The following CPA4 variants were observed in gnomAD, a reference collection of about 807,000 sequenced individuals.
The protein encoded by CPA4 is carboxypeptidase A3.
A neutral mutation model predicts 54.7 loss-of-function variants in CPA4; 49 were observed. That is an observed-to-expected ratio of 0.90 (90% CI 0.71 to 1.14). The LOEUF (loss-of-function observed/expected upper bound fraction) is 1.14. CPA4 is among the 50% of genes most tolerant of loss of function. The probability of loss-of-function intolerance (pLI) is 0.00; values close to 1 mark genes in which losing one functional copy is unlikely to be tolerated. For synonymous variants in CPA4, 215 were observed against 206.8 expected, an observed-to-expected ratio of 1.04 and a Z score of -0.34; for missense variants, 487 against 525.1, an observed-to-expected ratio of 0.93 and a Z score of 0.71.
chr7:130,303,284 A>G (rs1478386505), intron 4 of CPA4, among the ~76,000 whole-genome samples: 1 of 152,170 alleles, frequency 6.6e-6, no homozygotes, highest in African/African-American at 2.4e-5. Context: ...AAATAAGGGT[A>G]TTTTTAGCCG....
At chr7:130,320,520 C>T (rs1195209636) in intron 10 of CPA4, among the ~76,000 whole-genome samples, 1 of 152,174 alleles carries the variant, frequency 6.6e-6, no homozygotes, top group African/African-American at 2.4e-5. Context: ...CGGAGTCTCA[C>T]TGGAAGCATC....
At chr7:130,294,076 A>G (rs1173992201) in intron 1 of CPA4, among the ~76,000 whole-genome samples, 2 of 152,096 alleles carry the variant, frequency 1.3e-5, no homozygotes, top group South Asian at 2.1e-4. Context: ...TTTCATGTAC[A>G]TTATCTTTTT....
Position 130,298,668 on chromosome 7 carries a change from G to T in CPA4, c.69-78G>T. ...TTTTGGCCTGGTTACGTCTGGGATA[G>T]GAGGCTTGGGGGTTTCTTTGCCAGC... On this transcript the variant is annotated intron_variant, in intron 1 of 10. Coordinates refer to ENST00000222482, the MANE Select transcript of CPA4 (RefSeq NM_016352.4). The T allele has an allele frequency of 2.3e-6, 2 of 857,634 alleles. 1 individual carries two copies. The highest frequency in any genetic ancestry group is 4.0e-6 in the Non-Finnish European group (2 of 500,928). The allele number at this position is 857,634 out of a possible 1,614,324, so 53.1% of individuals were successfully genotyped here. A position where few individuals can be genotyped will look rare whatever the true frequency, so the allele number is the denominator to read the frequency against.
chr7:130,305,410 C>T (rs1268488240), intron 5 of CPA4, among the ~76,000 whole-genome samples: 1 of 152,210 alleles, frequency 6.6e-6, no homozygotes, highest in Non-Finnish European at 1.5e-5. Flanking sequence ...GCGAGCCCCC[C>T]TTCTTCTTAG....
At chr7:130,305,783 C>CG (rs1562929726) in intron 5 of CPA4, 33 bp from the exon 6 acceptor site, 1 of 1,497,534 alleles carries the variant, frequency 6.7e-7, no homozygotes. Context: ...TGCGGGCAGG[C>CG]GGTCATTTTC....
intron 6 of CPA4, chr7:130,306,140 A>G: frequency 1.7e-6 from 1 of 577,934 alleles, no homozygotes; most frequent in Non-Finnish European, 3.1e-6. Flanking sequence ...GCTGATATGC[A>G]GCAGAGGTGG....
At chr7:130,315,431 G>T (rs1341632804) in intron 10 of CPA4, among the ~76,000 whole-genome samples, 2 of 151,768 alleles carry the variant, frequency 1.3e-5, no homozygotes, top group Non-Finnish European at 2.9e-5. Context: ...TGGTGAGGGT[G>T]TTTTTTAGAA....
At position 130,298,391 on chromosome 7, in the gene CPA4, A is replaced by C. The variant is rs59197243; in HGVS notation, c.69-355A>C. 3.7e-3 allele frequency among the ~76,000 whole-genome samples: 566 copies of C among 152,324 alleles called. 6 individuals carry two copies. The highest frequency in any genetic ancestry group is 0.014 in the Middle Eastern group (4 of 294). Reference sequence around the variant, plus strand: ...CAGAAAACAGATACAAGGGGGAAAAAAGTAAGTCATCCATAATCCCACGAC... The same window carrying C: ...CAGAAAACAGATACAAGGGGGAAAACAGTAAGTCATCCATAATCCCACGAC... On this transcript the variant is annotated intron_variant, in intron 1 of 10. Coordinates refer to ENST00000222482, the MANE Select transcript of CPA4 (RefSeq NM_016352.4).
At position 130,310,780 on chromosome 7, in the gene CPA4, C is replaced by A; in HGVS notation, c.794-7C>A. 1 of 1,613,582 alleles carries A rather than the reference C, an allele frequency of 6.2e-7. No individual in the cohort carries two copies. Among genetic ancestry groups the A allele is most frequent in the Admixed American group, 1.7e-5 (1 of 60,022 alleles). On this transcript the variant is annotated splice_region_variant and splice_polypyrimidine_tract_variant and intron_variant, in intron 8 of 10. Coordinates refer to ENST00000222482, the MANE Select transcript of CPA4 (RefSeq NM_016352.4). This position sits in a 1 kb window ranked among gnomAD's most constrained non-coding sequence, Gnocchi z 4.3. Reference sequence around the variant, plus strand: ...GTTAATGTTTGTTCTTGGGCTATCCCCAACAGGAAAGGGAGCCAGCGACAA... The same window carrying A: ...GTTAATGTTTGTTCTTGGGCTATCCACAACAGGAAAGGGAGCCAGCGACAA...
At chr7:130,306,259 G>T in intron 6 of CPA4, 1 of 311,464 alleles carries the variant, frequency 3.2e-6, no homozygotes, top group South Asian at 3.9e-5. Flanking sequence ...TCCTAGAAAG[G>T]CTGCTGGGAG....
At chr7:130,313,572 T>A (rs1047528184) in intron 10 of CPA4, among the ~76,000 whole-genome samples, 2 of 147,746 alleles carry the variant, frequency 1.4e-5, no homozygotes, top group African/African-American at 4.9e-5. Context: ...CCTGTAGTTC[T>A]GTTGAAAGAG....
At chr7:130,315,431 G>GTT (rs55811503) in intron 10 of CPA4, among the ~76,000 whole-genome samples, 1 of 151,768 alleles carries the variant, frequency 6.6e-6, no homozygotes, top group Admixed American at 6.6e-5. Context: ...TGGTGAGGGT[G>GTT]TTTTTTAGAA....
chr7:130,322,291 G>T (rs1169761488), intron 10 of CPA4, among the ~76,000 whole-genome samples, 198 bp from the exon 11 acceptor site: 2 of 152,182 alleles, frequency 1.3e-5, no homozygotes, highest in Non-Finnish European at 1.5e-5. Context: ...CTTGATTTGA[G>T]ACCAGTGTGC....
intron 10 of CPA4, among the ~76,000 whole-genome samples, chr7:130,317,866 C>T (rs1173887695): frequency 1.3e-5 from 2 of 152,102 alleles, no homozygotes; most frequent in Non-Finnish European, 1.5e-5. Context: ...CAATTCTCCG[C>T]CCACTCTCCC....
intron 3 of CPA4, among the ~76,000 whole-genome samples, chr7:130,300,577 G>A (rs954115546): frequency 5.3e-5 from 8 of 151,434 alleles, no homozygotes; most frequent in East Asian, 1.9e-4. Context: ...CTCGTGATCC[G>A]CCCGCCTCAG....
At chr7:130,304,127 G>A (rs111348514) in intron 4 of CPA4, among the ~76,000 whole-genome samples, 2,659 of 152,232 alleles carry the variant, frequency 0.017, 89 homozygotes, top group African/African-American at 0.061. Context: ...CAGTCTCCCA[G>A]ATTGCTGGGA....
Position 130,310,775 on chromosome 7 carries a change from T to C in CPA4, c.794-12T>C. 1.9e-6 allele frequency: 3 copies of C among 1,612,768 alleles called. No individual in the cohort carries two copies. The South Asian group carries it at 3.3e-5, about 18-fold the overall frequency. ...TATGAGTTAATGTTTGTTCTTGGGC[T>C]ATCCCCAACAGGAAAGGGAGCCAGC... is the stretch of plus-strand genomic sequence containing the variant. On this transcript the variant is annotated splice_polypyrimidine_tract_variant and intron_variant, in intron 8 of 10. Transcript: ENST00000222482. The surrounding 1 kb of genome is among the most constrained non-coding windows in gnomAD (Gnocchi z 4.3).
At chr7:130,293,462 C>T (rs886098431) in intron 1 of CPA4, 15 of 532,040 alleles carry the variant, frequency 2.8e-5, no homozygotes, top group Non-Finnish European at 4.0e-5. Context: ...GCAGTCTCTC[C>T]CCAGCTCCCT....
rs1469387876 is a variant in CPA4 at position 130,306,333 on chromosome 7, A to G, written c.591+413A>G. 1.6e-5 allele frequency: 4 copies of G among 245,914 alleles called. No individual in the cohort carries two copies. In the Admixed American group the frequency reaches 2.0e-4, roughly 13 times the overall value. 15.2% of individuals were successfully genotyped at this position (245,914 alleles called of 1,614,324 possible). On this transcript the variant is annotated intron_variant, in intron 6 of 10. Coordinates refer to ENST00000222482, the MANE Select transcript of CPA4 (RefSeq NM_016352.4). ...AGGAGGCGGAGGTTGCGTTGAGCCA[A>G]GATCACGCCACTGCACTCCAGCCTG...
Sources: allele counts gnomAD v4.1 joint callset (sites outside exome capture counted in the v4.1 genomes callset), GRCh38; gene constraint gnomAD v4.1.1; non-coding constraint Gnocchi (gnomAD v3.1); transcripts MANE v1.5; gene names NCBI Gene and HGNC (gene_info 2026-07-23, HGNC 2026-07-21).